The following PML variants were observed in gnomAD, a reference collection of about 807,000 sequenced individuals.
PML encodes the protein protein PML.
Under a neutral mutation model 65.2 loss-of-function variants are expected in PML, and 28 were observed. The ratio of observed to expected loss-of-function variants is 0.43; its 90% CI spans 0.32 to 0.59. The LOEUF is 0.59. Ranked by LOEUF, PML falls within the 20% of genes least tolerant of loss-of-function variation. PML has a pLI of 0.08. For missense variants in PML, 1,021 were observed against 1,203.4 expected (o/e 0.85, Z 2.24); for synonymous variants, 500 against 508.8 (o/e 0.98, Z 0.23).
intron 4 of PML, among the ~76,000 whole-genome samples, chr15:74,030,772 T>C (rs1595911406): frequency 1.3e-5 from 2 of 152,296 alleles, no homozygotes; most frequent in South Asian, 4.1e-4. Context: ...TCTCTGAAGA[T>C]TGGCAATAAT....
At chr15:74,036,085 G>C in intron 7 of PML, 1 of 1,613,810 alleles carries the variant, frequency 6.2e-7, no homozygotes, top group East Asian at 2.2e-5. Flanking sequence ...ATGAATCAAC[G>C]AATGAATGGC....
intron 2 of PML, among the ~76,000 whole-genome samples, chr15:74,016,729 TATAA>T (rs1013204436): frequency 1.3e-5 from 2 of 151,624 alleles, no homozygotes; most frequent in Non-Finnish European, 1.5e-5. Context: ...TTGCTTTTCT[TATAA>T]ATAGTCATGA....
At chr15:74,007,642 G>A (rs761548185) in intron 2 of PML, among the ~76,000 whole-genome samples, 1 of 152,352 alleles carries the variant, frequency 6.6e-6, no homozygotes, top group South Asian at 2.1e-4. Flanking sequence ...CCCCAGAGGT[G>A]GCTTTAAACC....
chr15:74,044,294 C>T lies in PML; in HGVS notation c.1935C>T (p.Phe645=), dbSNP rs773717467. 1 of 1,614,170 alleles carries T rather than the reference C, an allele frequency of 6.2e-7. No individual in the cohort carries two copies. The change falls in exon 9 of 9, where the codon TTC becomes TTT. Residue 645 remains phenylalanine (F), a synonymous_variant. Transcript: ENST00000268058. ...GCGTGGTCATCCAGCCTGAAGCCTTCTTCAGCATCTACTCCAAGGCCGTGT... is the reference window on the plus strand; with the variant it reads ...GCGTGGTCATCCAGCCTGAAGCCTTTTTCAGCATCTACTCCAAGGCCGTGT... ...KFRVVIQPEA[F]FSIYSKAVSL...
At chr15:74,038,585 T>G (rs1219588288) in intron 7 of PML, among the ~76,000 whole-genome samples, 1 of 152,108 alleles carries the variant, frequency 6.6e-6, no homozygotes. Flanking sequence ...TCACCCAACT[T>G]CTGGGCCCTT....
intron 7 of PML, chr15:74,041,543 G>A (rs1047579477): frequency 6.6e-6 from 1 of 152,272 alleles, no homozygotes; most frequent in African/African-American, 2.4e-5. Context: ...GATATGAAGA[G>A]GCAAAGCCAG....
chr15:74,034,448 T>C lies in PML; in HGVS notation c.1658-30T>C, dbSNP rs201101612. 3.0e-5 allele frequency: 48 copies of C among 1,614,098 alleles called. No individual in the cohort carries two copies. The Admixed American group carries it at 6.3e-4, about 21-fold the overall frequency. On this transcript the variant is annotated intron_variant, in intron 6 of 8. Coordinates refer to ENST00000268058, the MANE Select transcript of PML (RefSeq NM_033238.3). ...CCTCCCAGCATGCATCCTAGGCAGTTCATAATGCATCTCCCCTTCCCCGTT... is the reference window on the plus strand; with the variant it reads ...CCTCCCAGCATGCATCCTAGGCAGTCCATAATGCATCTCCCCTTCCCCGTT...
intron 2 of PML, among the ~76,000 whole-genome samples, chr15:74,005,818 T>G (rs1233418113): frequency 6.6e-6 from 1 of 152,202 alleles, no homozygotes; most frequent in African/African-American, 2.4e-5. Flanking sequence ...TCTGCTCCCA[T>G]GTAAAAGTTG....
chr15:74,004,534 C>G (rs1055766740), intron 2 of PML, among the ~76,000 whole-genome samples: 1 of 152,058 alleles, frequency 6.6e-6, no homozygotes, highest in Non-Finnish European at 1.5e-5. Flanking sequence ...CTCCTGGCTT[C>G]AAGTGATCCT....
At chr15:74,000,337 G>A (rs1005660162) in intron 2 of PML, among the ~76,000 whole-genome samples, 1 of 151,860 alleles carries the variant, frequency 6.6e-6, no homozygotes, top group Non-Finnish European at 1.5e-5. Context: ...ACGGGGTCTT[G>A]CTCTGTCGCC....
intron 4 of PML, chr15:74,025,156 C>T: frequency 1.8e-6 from 1 of 558,944 alleles, no homozygotes; most frequent in Non-Finnish European, 3.2e-6. Context: ...CTTGATGGGC[C>T]ATGAGCCAGG....
rs1460294242 is a variant in PML, at chr15:74,035,524, C to A, written c.1710+994C>A. 6.2e-7 allele frequency: 1 copy of A among 1,610,960 alleles called. No individual in the cohort carries two copies. Among genetic ancestry groups the A allele is most frequent in the Non-Finnish European group, 8.5e-7 (1 of 1,179,428 alleles). On this transcript the variant is annotated intron_variant, in intron 7 of 8. Coordinates refer to ENST00000268058, the MANE Select transcript of PML (RefSeq NM_033238.3). The surrounding 1 kb of genome is among the most constrained non-coding windows in gnomAD (Gnocchi z 4.1). ...CGGGCCCCTATTCGGACTTGGTCTCCCCATGTGGTCCAAGCCAGCACTCCT... is the reference window on the plus strand; with the variant it reads ...CGGGCCCCTATTCGGACTTGGTCTCACCATGTGGTCCAAGCCAGCACTCCT...
chr15:74,014,749 G>A (rs909780810), intron 2 of PML, among the ~76,000 whole-genome samples: 19 of 151,628 alleles, frequency 1.3e-4, no homozygotes, highest in Admixed American at 1.1e-3. Flanking sequence ...GTGGCAGAGC[G>A]AGACTCTTTC....
At chr15:74,041,998 G>A (rs2071707873) in intron 7 of PML, among the ~76,000 whole-genome samples, 1 of 152,206 alleles carries the variant, frequency 6.6e-6, no homozygotes, top group Non-Finnish European at 1.5e-5. Flanking sequence ...TGGCATTCAT[G>A]GGAGGTTCCA....
intron 5 of PML, among the ~76,000 whole-genome samples, 165 bp downstream of exon 5, chr15:74,032,880 G>A (rs2071385028): frequency 6.6e-6 from 1 of 152,208 alleles, no homozygotes; most frequent in South Asian, 2.1e-4. Context: ...TGGCTGCATG[G>A]TCAGGGAGCT....
chr15:74,037,878 T>C lies in PML; in HGVS notation c.1710+3348T>C, dbSNP rs544699017. The C allele has an allele frequency of 4.4e-6, 1 of 226,974 alleles. No homozygotes were observed. The highest frequency in any genetic ancestry group is 2.3e-5 in the African/African-American group (1 of 42,894). 14.1% of individuals were successfully genotyped at this position (226,974 alleles called of 1,614,324 possible). On this transcript the variant is annotated intron_variant, in intron 7 of 8. Transcript: ENST00000268058. The surrounding 1 kb of genome is among the most constrained non-coding windows in gnomAD (Gnocchi z 4.2). ...ACTTCAGTTACTGCCCAGGGGTAGCTGATACCCAACACTCGCACCTGCCTG... is the reference window on the plus strand; with the variant it reads ...ACTTCAGTTACTGCCCAGGGGTAGCCGATACCCAACACTCGCACCTGCCTG...
intron 7 of PML, chr15:74,041,327 G>A (rs1036992193): frequency 3.9e-5 from 6 of 152,260 alleles, no homozygotes; most frequent in South Asian, 2.1e-4. Flanking sequence ...CCCAAAGCGG[G>A]AGAAGGTGGA....
rs1334192473 is a variant in PML at position 74,042,425 on chromosome 15, C to T, written c.1711-564C>T. 6.1e-6 allele frequency: 6 copies of T among 985,290 alleles called. No individual in the cohort carries two copies. In the African/African-American group the frequency reaches 1.0e-4, roughly 17 times the overall value. The allele number at this position is 985,290 out of a possible 1,614,324, so 61.0% of individuals were successfully genotyped here. A position where few individuals can be genotyped will look rare whatever the true frequency, so the allele number is the denominator to read the frequency against. Reference sequence around the variant, plus strand: ...GACAAGAAAAGGCAGGCTCCCGACCCCTTCCAAAGAATCATCTGGGGTTCA... The same window carrying T: ...GACAAGAAAAGGCAGGCTCCCGACCTCTTCCAAAGAATCATCTGGGGTTCA... On this transcript the variant is annotated intron_variant, in intron 7 of 8. Transcript: ENST00000268058. This position sits in a 1 kb window ranked among gnomAD's most constrained non-coding sequence, Gnocchi z 5.3.
intron 4 of PML, chr15:74,025,199 G>A (rs1160864138): frequency 8.0e-6 from 4 of 501,458 alleles, no homozygotes; most frequent in South Asian, 2.0e-5. Flanking sequence ...GTAGACAGTC[G>A]GCCACAGATC....
Sources: allele counts gnomAD v4.1 joint callset (sites outside exome capture counted in the v4.1 genomes callset), GRCh38; gene constraint gnomAD v4.1.1; non-coding constraint Gnocchi (gnomAD v3.1); transcripts MANE v1.5; gene names NCBI Gene and HGNC (gene_info 2026-07-23, HGNC 2026-07-21).